The following MTR variants were observed in gnomAD, a reference collection of about 807,000 sequenced individuals.
The protein encoded by MTR is methionine synthase.
In MTR, 84 loss-of-function variants were observed where a neutral mutation model predicts 154.8. That is an observed-to-expected ratio of 0.54 (90% CI 0.45 to 0.65). The LOEUF (loss-of-function observed/expected upper bound fraction) is 0.65, where lower values mean the gene tolerates loss of function less well. Ranked by LOEUF, MTR falls within the 30% of genes least tolerant of loss-of-function variation. The pLI is 0.00. For synonymous variants in MTR, 554 were observed against 553.9 expected, an observed-to-expected ratio of 1.00 and a Z score of 0.00; for missense variants, 1,275 against 1,570.2, an observed-to-expected ratio of 0.81 and a Z score of 3.18.
In MTR at chr1:236,803,290, A is replaced by G. The variant is rs192409234; in HGVS notation, c.35-138A>G. 234 of 864,166 alleles carry G rather than the reference A, an allele frequency of 2.7e-4. 1 individual carries two copies. In the African/African-American group the frequency reaches 3.7e-3, roughly 14 times the overall value. The allele number at this position is 864,166 out of a possible 1,614,324, so 53.5% of individuals were successfully genotyped here. ...TGACCTTTTTGGGCAGCGTTTTCCTATATAGAGTTATGAGTGCATCTTTTA... is the reference window on the plus strand; with the variant it reads ...TGACCTTTTTGGGCAGCGTTTTCCTGTATAGAGTTATGAGTGCATCTTTTA... On this transcript the variant is annotated intron_variant, in intron 1 of 32. Transcript: ENST00000366577.
intron 25 of MTR, among the ~76,000 whole-genome samples, chr1:236,883,545 G>A (rs752261984): frequency 1.3e-5 from 2 of 152,166 alleles, no homozygotes; most frequent in Non-Finnish European, 2.9e-5. Flanking sequence ...TTAAAACATT[G>A]GTTACATACA....
intron 17 of MTR, 94 bp from the exon 18 acceptor site, chr1:236,852,854 A>G (rs1358599247): frequency 6.8e-7 from 1 of 1,462,138 alleles, no homozygotes; most frequent in Non-Finnish European, 9.5e-7. Context: ...TATGGCCTAA[A>G]ATATTTCTCT....
At chr1:236,844,262 G>A (rs1029032511) in intron 15 of MTR, among the ~76,000 whole-genome samples, 2 of 152,164 alleles carry the variant, frequency 1.3e-5, no homozygotes, top group Non-Finnish European at 1.5e-5. Context: ...TTTACCGTTG[G>A]ATTTAGAAAT....
rs573818637 is a variant in MTR at position 236,867,328 on chromosome 1, A to G, written c.2405+3774A>G. Among the ~76,000 whole-genome samples the G allele has an allele frequency of 4.9e-4, 74 of 152,328 alleles. No homozygotes were observed. In the South Asian group the frequency reaches 0.015, roughly 30 times the overall value. ...GGAATGACAAAGCCTGGATGAGAGC[A>G]CATCTGTTTACAGCATGGGTTTACT... On this transcript the variant is annotated intron_variant, in intron 22 of 32. Coordinates refer to ENST00000366577, the MANE Select transcript of MTR (RefSeq NM_000254.3).
Position 236,873,793 on chromosome 1 carries a change from T to C in MTR, c.2426T>C (p.Met809Thr). ...CTCAGAGTTATTGATTTAGGAGTCA[T>C]GACTCCATGTGATAAGATACTGAAA... ...NNFRVIDLGV[M>T]TPCDKILKAA... The change falls in exon 23 of 33, where the codon ATG becomes ACG. Residue 809 changes from methionine (M) to threonine (T), a missense_variant. Physicochemically the swap from Met to Thr is moderately conservative, Grantham distance 81. Coordinates refer to ENST00000366577, the MANE Select transcript of MTR (RefSeq NM_000254.3). The C allele has an allele frequency of 6.2e-7, 1 of 1,614,168 alleles. No individual in the cohort carries two copies. Among genetic ancestry groups the C allele is most frequent in the Non-Finnish European group, 8.5e-7 (1 of 1,179,962 alleles).
intron 13 of MTR, among the ~76,000 whole-genome samples, chr1:236,834,605 T>C (rs1055955770): frequency 6.6e-6 from 1 of 152,182 alleles, no homozygotes; most frequent in Admixed American, 6.5e-5. Flanking sequence ...TGCTAAAAGT[T>C]TCTATTTTTT....
intron 28 of MTR, among the ~76,000 whole-genome samples, 171 bp downstream of exon 28, chr1:236,889,507 C>G (rs1476409383): frequency 6.6e-6 from 1 of 152,202 alleles, no homozygotes; most frequent in East Asian, 1.9e-4. Flanking sequence ...TAGATTGGTC[C>G]TTATTGCATC....
chr1:236,816,399 A>G (rs760725480), intron 7 of MTR, 50 bp from the exon 8 acceptor site: 2 of 1,493,060 alleles, frequency 1.3e-6, no homozygotes, highest in Admixed American at 1.7e-5. Context: ...TTATATCTAT[A>G]TTCTTAACTT....
chr1:236,866,514 C>T (rs1664832877), intron 22 of MTR, among the ~76,000 whole-genome samples: 1 of 152,096 alleles, frequency 6.6e-6, no homozygotes, highest in Non-Finnish European at 1.5e-5. Context: ...GCCTTGTAAT[C>T]CTCTAAGTGT....
chr1:236,847,003 C>G (rs558182101), intron 15 of MTR, among the ~76,000 whole-genome samples: 1 of 152,320 alleles, frequency 6.6e-6, no homozygotes, highest in African/African-American at 2.4e-5. Context: ...TCTCCTGACT[C>G]AGCCTCCCAA....
At chr1:236,830,360 G>A (rs1299937586) in intron 12 of MTR, among the ~76,000 whole-genome samples, 1 of 151,764 alleles carries the variant, frequency 6.6e-6, no homozygotes, top group African/African-American at 2.4e-5. Flanking sequence ...CACTAAGAGT[G>A]GAAAACATTC....
chr1:236,852,259 G>A (rs868488602), intron 16 of MTR, among the ~76,000 whole-genome samples: 30 of 53,306 alleles, frequency 5.6e-4, no homozygotes, highest in African/African-American at 8.4e-4. Flanking sequence ...CTTTCTGCGT[G>A]TGTGTGTGTG....
At chr1:236,892,985 G>A (rs1666414651) in intron 29 of MTR, among the ~76,000 whole-genome samples, 1 of 152,158 alleles carries the variant, frequency 6.6e-6, no homozygotes, top group Non-Finnish European at 1.5e-5. Context: ...TACCCAGGTA[G>A]CAATTTCTCA....
chr1:236,864,488 TCTGA>T (rs1055559693), intron 22 of MTR, among the ~76,000 whole-genome samples: 11 of 152,184 alleles, frequency 7.2e-5, no homozygotes, highest in African/African-American at 2.7e-4. Context: ...TTTTTTTCCC[TCTGA>T]CTGTCTTCAC....
intron 27 of MTR, among the ~76,000 whole-genome samples, chr1:236,887,256 A>T (rs1326581137): frequency 6.6e-6 from 1 of 152,180 alleles, no homozygotes; most frequent in African/African-American, 2.4e-5. Flanking sequence ...TTCTAATTTC[A>T]TCCTTGCTGA....
At chr1:236,816,837 C>T (rs955183241) in intron 8 of MTR, among the ~76,000 whole-genome samples, 1 of 152,200 alleles carries the variant, frequency 6.6e-6, no homozygotes, top group Admixed American at 6.5e-5. Flanking sequence ...GGCAGTGACA[C>T]TCCCTATTTA....
At chr1:236,805,597 A>C (rs1338954063) in intron 2 of MTR, among the ~76,000 whole-genome samples, 1 of 148,244 alleles carries the variant, frequency 6.7e-6, no homozygotes, top group Non-Finnish European at 1.5e-5. Context: ...GGGCCCAAGC[A>C]GTCCTCCTGC....
In MTR at chr1:236,887,451, G is replaced by A. The variant is rs550767195; in HGVS notation, c.2851+1084G>A. Among the ~76,000 whole-genome samples, 11 of 152,332 alleles carry A rather than the reference G, an allele frequency of 7.2e-5. No homozygotes were observed. In the South Asian group the frequency reaches 2.3e-3, roughly 32 times the overall value. The stretch of plus-strand genomic sequence containing the variant: ...AAATGTTGTGAGGGTAAAATATTCT[G>A]TGAAAACCTTTGAAAAAATATAAAT... On this transcript the variant is annotated intron_variant, in intron 27 of 32. Coordinates refer to ENST00000366577, the MANE Select transcript of MTR (RefSeq NM_000254.3).
At chr1:236,848,238 G>A (rs1207118787) in intron 15 of MTR, among the ~76,000 whole-genome samples, 1 of 152,094 alleles carries the variant, frequency 6.6e-6, no homozygotes, top group Non-Finnish European at 1.5e-5. Context: ...ATACAGCTGG[G>A]CCCTACACCC....
Sources: gnomAD v4.1 joint callset for allele counts (sites outside exome capture counted in the v4.1 genomes callset) on GRCh38, gnomAD v4.1.1 for gene constraint, MANE v1.5 for transcripts, NCBI Gene and HGNC (gene_info 2026-07-23, HGNC 2026-07-21) for gene names.